Variants in CCDC171 observed in about 807,000 individuals in gnomAD.
CCDC171 encodes the protein coiled-coil domain-containing protein 171.
Under a neutral mutation model 168.2 loss-of-function variants are expected in CCDC171, and 177 were observed. That is an observed-to-expected ratio of 1.05 (90% CI 0.93 to 1.19). The LOEUF is 1.19. Ranked by LOEUF, CCDC171 falls within the 50% of genes most tolerant of loss-of-function variation. The probability of loss-of-function intolerance (pLI) is 0.00; values close to 1 mark genes in which losing one functional copy is unlikely to be tolerated. For missense variants in CCDC171, 1,991 were observed against 1,539.0 expected (o/e 1.29, Z -4.91); for synonymous variants, 687 against 540.8 (o/e 1.27, Z -3.75).
At chr9:16,034,490 G>C (rs1292049082) in intron 6 of CCDC171, among the ~76,000 whole-genome samples, 2 of 152,166 alleles carry the variant, frequency 1.3e-5, no homozygotes, top group Admixed American at 6.5e-5. Context: ...AATTTGATTT[G>C]AGCTGAGAAC....
chr9:15,581,861 A>G (rs1480844304), intron 4 of CCDC171, among the ~76,000 whole-genome samples: 1 of 152,134 alleles, frequency 6.6e-6, no homozygotes, highest in Non-Finnish European at 1.5e-5. Flanking sequence ...CATTCAGGAC[A>G]TAGGCATGGG....
chr9:15,561,049 C>G (rs767660236), intron 1 of CCDC171, among the ~76,000 whole-genome samples: 1 of 152,144 alleles, frequency 6.6e-6, no homozygotes, highest in African/African-American at 2.4e-5. Context: ...ATGCAGAAAT[C>G]ATTCGTCTTT....
intron 18 of CCDC171, among the ~76,000 whole-genome samples, chr9:15,766,156 G>A (rs772599563): frequency 1.9e-4 from 29 of 152,076 alleles, no homozygotes; most frequent in Non-Finnish European, 4.0e-4. Flanking sequence ...CATTAGCCTA[G>A]GTCACTCTGT....
chr9:15,584,663 G>A (rs1316024326), intron 4 of CCDC171, among the ~76,000 whole-genome samples: 1 of 152,154 alleles, frequency 6.6e-6, no homozygotes, highest in Non-Finnish European at 1.5e-5. Flanking sequence ...AGAAAGAAGG[G>A]TAGAAGACAG....
chr9:15,680,103 C>T (rs369856006), intron 10 of CCDC171, among the ~76,000 whole-genome samples: 2 of 152,016 alleles, frequency 1.3e-5, no homozygotes, highest in Admixed American at 6.6e-5. Flanking sequence ...TAATACTCAC[C>T]GAAATTTGAT....
intron 3 of CCDC171, among the ~76,000 whole-genome samples, chr9:16,013,528 C>G (rs1832931572): frequency 6.6e-6 from 1 of 152,216 alleles, no homozygotes; most frequent in African/African-American, 2.4e-5. Flanking sequence ...AGCATGCGCT[C>G]TTGGGACATA....
intron 18 of CCDC171, among the ~76,000 whole-genome samples, chr9:15,765,757 G>A (rs912073951): frequency 6.6e-6 from 1 of 152,098 alleles, no homozygotes; most frequent in South Asian, 2.1e-4. Context: ...TTTAATCAGG[G>A]TGGGGGTTTG....
intron 16 of CCDC171, among the ~76,000 whole-genome samples, chr9:15,734,441 G>A (rs1032495332): frequency 3.9e-5 from 6 of 152,178 alleles, no homozygotes; most frequent in African/African-American, 1.4e-4. Flanking sequence ...GGGAGGCTGA[G>A]GCAGGAGAAT....
chr9:15,919,561 T>C (rs1825019344), intron 24 of CCDC171, among the ~76,000 whole-genome samples: 1 of 151,624 alleles, frequency 6.6e-6, no homozygotes. Flanking sequence ...AAAGGCATAA[T>C]AGTATCCTGG....
intron 10 of CCDC171, among the ~76,000 whole-genome samples, chr9:15,691,117 C>A (rs532286783): frequency 2.0e-5 from 3 of 151,866 alleles, no homozygotes; most frequent in African/African-American, 4.8e-5. Context: ...AACGTACATG[C>A]AAAATATAAA....
intron 10 of CCDC171, among the ~76,000 whole-genome samples, chr9:15,682,253 C>G (rs1415909099): frequency 6.6e-6 from 1 of 152,010 alleles, no homozygotes; most frequent in African/African-American, 2.4e-5. Context: ...GGGCTAGATA[C>G]AGCAGCAGAG....
intron 25 of CCDC171, among the ~76,000 whole-genome samples, chr9:15,959,749 T>C (rs1830162957): frequency 6.6e-6 from 1 of 152,030 alleles, no homozygotes; most frequent in African/African-American, 2.4e-5. Flanking sequence ...GAGAAGGAGA[T>C]GTGAAGTGGA....
At chr9:16,010,876 A>C (rs1832850792) in intron 3 of CCDC171, among the ~76,000 whole-genome samples, 1 of 152,078 alleles carries the variant, frequency 6.6e-6, no homozygotes, top group Admixed American at 6.5e-5. Context: ...ATACAATGAG[A>C]AGAGGGCATT....
chr9:16,030,501 GA>G (rs1833348631), intron 6 of CCDC171, among the ~76,000 whole-genome samples: 1 of 152,146 alleles, frequency 6.6e-6, no homozygotes, highest in Non-Finnish European at 1.5e-5. Context: ...ATCTTTACTA[GA>G]AAAAGAATGT....
chr9:15,569,406 C>T (rs986779841), intron 2 of CCDC171, among the ~76,000 whole-genome samples: 8 of 152,110 alleles, frequency 5.3e-5, no homozygotes, highest in Admixed American at 2.0e-4. Context: ...ATGTAAAATG[C>T]TTAGAACAAT....
Position 15,820,628 on chromosome 9 carries a change from A to T in CCDC171, c.3268-26074A>T, listed in dbSNP as rs1408852806. On this transcript the variant is annotated intron_variant, in intron 21 of 25. Coordinates refer to ENST00000380701, the MANE Select transcript of CCDC171 (RefSeq NM_173550.4). Reference sequence around the variant, plus strand: ...TCCTCGACACATACACCCTCCTAAGACTAAACCAGGAAGAATTTGAATCTC... The same window carrying T: ...TCCTCGACACATACACCCTCCTAAGTCTAAACCAGGAAGAATTTGAATCTC... Among the ~76,000 whole-genome samples, 12 of 117,688 alleles carry T rather than the reference A, an allele frequency of 1.0e-4. 5 individuals carry two copies. Among genetic ancestry groups the T allele is most frequent in the Admixed American group, 4.8e-4 (6 of 12,450 alleles). 77.2% of individuals were successfully genotyped at this position (117,688 alleles called of 152,430 possible).
At chr9:15,876,477 C>T (rs570053875) in intron 24 of CCDC171, among the ~76,000 whole-genome samples, 7 of 152,160 alleles carry the variant, frequency 4.6e-5, no homozygotes, top group African/African-American at 9.6e-5. Context: ...ACAAACACAA[C>T]GGGTAACTCC....
chr9:15,761,710 C>G (rs534418680), intron 18 of CCDC171, among the ~76,000 whole-genome samples: 7 of 152,098 alleles, frequency 4.6e-5, no homozygotes, highest in African/African-American at 1.7e-4. Flanking sequence ...CGGAAACAAG[C>G]ACAATCTGAC....
intron 8 of CCDC171, 125 bp downstream of exon 8, chr9:15,657,344 C>G: frequency 1.7e-6 from 1 of 591,098 alleles, no homozygotes; most frequent in Admixed American, 2.8e-5. Context: ...TGTTATGACA[C>G]TCATTATTGT....
Sources: gnomAD v4.1 joint callset for allele counts (sites outside exome capture counted in the v4.1 genomes callset) on GRCh38, gnomAD v4.1.1 for gene constraint, MANE v1.5 for transcripts, NCBI Gene and HGNC (gene_info 2026-07-23, HGNC 2026-07-21) for gene names.